The following LINGO2 variants were observed in gnomAD, a reference collection of about 807,000 sequenced individuals.
LINGO2 encodes leucine-rich repeat and immunoglobulin-like domain-containing nogo receptor-interacting protein 2.
In LINGO2, 14 loss-of-function variants were observed where a neutral mutation model predicts 30.6. The observed-to-expected ratio is 0.46, with a 90% CI of 0.30 to 0.72. The LOEUF (loss-of-function observed/expected upper bound fraction) is 0.72. LINGO2 is among the 30% of genes least tolerant of loss of function. The probability of loss-of-function intolerance (pLI) is 0.07; values close to 1 mark genes in which losing one functional copy is unlikely to be tolerated. For missense variants in LINGO2, 729 were observed against 751.7 expected (o/e 0.97, Z 0.35); for synonymous variants, 317 against 288.5 (o/e 1.10, Z -1.00).
chr9:28,812,851 T>A, the LINGO2 span, among the ~76,000 whole-genome samples: 1 of 152,078 alleles, frequency 6.6e-6, no homozygotes. Context: ...AAGGAGACAG[T>A]CTGGCCTAGG....
the LINGO2 span, among the ~76,000 whole-genome samples, chr9:28,912,578 C>T: frequency 6.6e-6 from 1 of 152,140 alleles, no homozygotes; most frequent in South Asian, 2.1e-4. Flanking sequence ...CATCCACTAA[C>T]TGGACAAGTA....
At chr9:28,999,713 G>A in the LINGO2 span, among the ~76,000 whole-genome samples, 4 of 151,844 alleles carry the variant, frequency 2.6e-5, no homozygotes, top group African/African-American at 9.7e-5. Flanking sequence ...AGTGTCCATG[G>A]TTAGGAAAAA....
chr9:27,945,527 A>G (rs1210677921), downstream of LINGO2, among the ~76,000 whole-genome samples: 1 of 152,140 alleles, frequency 6.6e-6, no homozygotes, highest in Admixed American at 6.6e-5. Flanking sequence ...ATGAAAACCA[A>G]CTGGAGTGAA....
At chr9:28,502,253 GT>G (rs1311534372) in intron 1 of LINGO2, among the ~76,000 whole-genome samples, 1 of 151,728 alleles carries the variant, frequency 6.6e-6, no homozygotes, top group East Asian at 1.9e-4. Flanking sequence ...CTACTTGTCT[GT>G]ATCCTTCCTT....
intron 5 of LINGO2, among the ~76,000 whole-genome samples, chr9:27,991,047 T>C (rs556583795): frequency 6.6e-6 from 1 of 152,082 alleles, no homozygotes; most frequent in South Asian, 2.1e-4. Context: ...GCACAGACCT[T>C]ATACTATACC....
chr9:29,170,019 A>G, the LINGO2 span, among the ~76,000 whole-genome samples: 2 of 152,046 alleles, frequency 1.3e-5, no homozygotes, highest in African/African-American at 4.8e-5. Context: ...AAACAACAAC[A>G]ACAACAACAA....
the LINGO2 span, among the ~76,000 whole-genome samples, chr9:28,922,688 T>A: frequency 6.6e-6 from 1 of 152,204 alleles, no homozygotes; most frequent in African/African-American, 2.4e-5. Flanking sequence ...TTAAAGCCTA[T>A]AAAACCCTTT....
intron 5 of LINGO2, among the ~76,000 whole-genome samples, chr9:27,966,401 T>C (rs889527618): frequency 6.6e-6 from 1 of 152,124 alleles, no homozygotes; most frequent in African/African-American, 2.4e-5. Context: ...TAAAAAAGAA[T>C]CAGTTAACGT....
intron 1 of LINGO2, among the ~76,000 whole-genome samples, chr9:28,579,542 G>C (rs1024603985): frequency 4.6e-5 from 7 of 152,080 alleles, no homozygotes; most frequent in Non-Finnish European, 1.0e-4. Flanking sequence ...AATTTAGCAA[G>C]AGTCTGAAGA....
chr9:28,911,991 G>A, the LINGO2 span, among the ~76,000 whole-genome samples: 1 of 152,050 alleles, frequency 6.6e-6, no homozygotes, highest in African/African-American at 2.4e-5. Context: ...AAATAAATGT[G>A]TATGAATATA....
At chr9:28,156,648 G>A (rs1212094825) in intron 4 of LINGO2, among the ~76,000 whole-genome samples, 3 of 152,176 alleles carry the variant, frequency 2.0e-5, no homozygotes, top group Non-Finnish European at 4.4e-5. Context: ...AGTCTCATCC[G>A]AGACAAGACA....
At chr9:28,668,896 A>T (rs1828907173) in intron 1 of LINGO2, among the ~76,000 whole-genome samples, 1 of 152,018 alleles carries the variant, frequency 6.6e-6, no homozygotes, top group African/African-American at 2.4e-5. Flanking sequence ...AAGATTGTCA[A>T]TTTTTAGTTA....
intron 1 of LINGO2, among the ~76,000 whole-genome samples, chr9:28,564,901 A>G (rs1258452276): frequency 6.6e-6 from 1 of 152,060 alleles, no homozygotes; most frequent in East Asian, 1.9e-4. Flanking sequence ...GCAGAGTTCT[A>G]TGGCACAGCA....
chr9:28,788,675 G>T, the LINGO2 span, among the ~76,000 whole-genome samples: 1 of 152,258 alleles, frequency 6.6e-6, no homozygotes, highest in South Asian at 2.1e-4. Flanking sequence ...TCACAAGGTG[G>T]CAGAAAGGAG....
At chr9:28,590,460 A>G (rs1824822198) in intron 1 of LINGO2, among the ~76,000 whole-genome samples, 2 of 149,524 alleles carry the variant, frequency 1.3e-5, no homozygotes, top group Admixed American at 6.6e-5. Flanking sequence ...AATTTAAAAG[A>G]AAAAAAAACA....
the LINGO2 span, among the ~76,000 whole-genome samples, chr9:28,767,266 G>A: frequency 6.6e-6 from 1 of 152,146 alleles, no homozygotes; most frequent in East Asian, 1.9e-4. Context: ...AAAAAGGTAT[G>A]AGGAGATGAA....
intron 2 of LINGO2, among the ~76,000 whole-genome samples, chr9:28,397,234 C>G (rs1242129314): frequency 6.6e-6 from 1 of 151,840 alleles, no homozygotes; most frequent in Non-Finnish European, 1.5e-5. Flanking sequence ...GAATAGGATC[C>G]ATATCCTTCA....
chr9:28,218,952 G>T (rs144762100), intron 4 of LINGO2, among the ~76,000 whole-genome samples: 59 of 152,256 alleles, frequency 3.9e-4, no homozygotes, highest in African/African-American at 1.2e-3. Flanking sequence ...ACTATAATTT[G>T]CACGTTAGCT....
rs562734206 is a variant in LINGO2, at chr9:28,212,472, T to C, written c.-87+82736A>G. ...CTTCTTTTGATAAAACTGGTTTCTT[T>C]CATTCTGTTCATGTACGATGTACAT... On this transcript the variant is annotated intron_variant, in intron 4 of 5. Transcript: ENST00000379992. 1.1e-4 allele frequency among the ~76,000 whole-genome samples: 16 copies of C among 151,548 alleles called. No individual in the cohort carries two copies. In the South Asian group the frequency reaches 1.9e-3, roughly 18 times the overall value.
Sources: allele counts gnomAD v4.1 joint callset (sites outside exome capture counted in the v4.1 genomes callset), GRCh38; gene constraint gnomAD v4.1.1; transcripts MANE v1.5; gene names NCBI Gene and HGNC (gene_info 2026-07-23, HGNC 2026-07-21).